NBAS: variants seen among roughly 807,000 people sequenced by gnomAD.
NBAS encodes the protein NBAS subunit of NRZ tethering complex.
NBAS carries 219 observed loss-of-function variants against 302.5 expected under a neutral mutation model. That is an observed-to-expected ratio of 0.72 (90% CI 0.65 to 0.81). The LOEUF (loss-of-function observed/expected upper bound fraction) is 0.81. NBAS is among the 30% of genes least tolerant of loss of function. The pLI is 0.00. For missense variants in NBAS, 2,932 were observed against 2,841.6 expected (o/e 1.03, Z -0.72); for synonymous variants, 1,118 against 1,021.6 (o/e 1.09, Z -1.80).
intron 44 of NBAS, among the ~76,000 whole-genome samples, chr2:15,254,904 GT>G (rs1558478622): frequency 7.4e-6 from 1 of 135,098 alleles, no homozygotes; most frequent in African/African-American, 3.1e-5. Context: ...GTTCCATGGG[GT>G]GTGTGTGTGT....
At chr2:14,795,463 C>A in the NBAS span, among the ~76,000 whole-genome samples, 1 of 144,958 alleles carries the variant, frequency 6.9e-6, no homozygotes, top group Non-Finnish European at 1.5e-5. Context: ...TTTTGAAATG[C>A]CAAGATTTTA....
chr2:15,489,047 G>A (rs1227256213), intron 11 of NBAS, 25 bp from the exon 12 acceptor site: 10 of 1,611,048 alleles, frequency 6.2e-6, no homozygotes, highest in Non-Finnish European at 8.5e-6. Flanking sequence ...TAAGGTCAGG[G>A]CAAAGGACTT....
intron 40 of NBAS, among the ~76,000 whole-genome samples, chr2:15,302,072 G>A (rs917423614): frequency 1.3e-5 from 2 of 152,224 alleles, no homozygotes; most frequent in Non-Finnish European, 2.9e-5. Flanking sequence ...GTCGCAGGAC[G>A]TTTAGGTGAA....
chr2:14,856,862 T>C, the NBAS span, among the ~76,000 whole-genome samples: 2 of 139,880 alleles, frequency 1.4e-5, no homozygotes, highest in South Asian at 4.2e-4. Context: ...GGCATCCAAA[T>C]TGGAAAAAAG....
At chr2:15,424,188 A>C in intron 23 of NBAS, 127 bp downstream of exon 23, 9 of 961,670 alleles carry the variant, frequency 9.4e-6, no homozygotes, top group Non-Finnish European at 1.1e-5. Flanking sequence ...ATAAATATTC[A>C]ATTCATCTCT....
intron 44 of NBAS, among the ~76,000 whole-genome samples, chr2:15,268,451 C>T (rs2148034883): frequency 6.6e-6 from 1 of 152,314 alleles, no homozygotes; most frequent in South Asian, 2.1e-4. Flanking sequence ...ATCTCACTGT[C>T]ATTTTTATAT....
At chr2:14,861,548 A>C in the NBAS span, among the ~76,000 whole-genome samples, 1 of 152,252 alleles carries the variant, frequency 6.6e-6, no homozygotes, top group Admixed American at 6.5e-5. Context: ...ACTTTAGATC[A>C]CATTATTGCT....
At chr2:15,479,006 T>TA (rs1680311576) in intron 12 of NBAS, among the ~76,000 whole-genome samples, 1 of 152,104 alleles carries the variant, frequency 6.6e-6, no homozygotes, top group South Asian at 2.1e-4. Flanking sequence ...ATCTGAAATC[T>TA]AAAAAAAGCG....
the NBAS span, among the ~76,000 whole-genome samples, chr2:15,097,769 A>G: frequency 2.7e-5 from 4 of 150,738 alleles, no homozygotes; most frequent in African/African-American, 9.8e-5. Context: ...TAGAAGTTTG[A>G]CAAATGAATT....
chr2:15,123,420 G>C, the NBAS span, among the ~76,000 whole-genome samples: 3 of 152,148 alleles, frequency 2.0e-5, no homozygotes, highest in Non-Finnish European at 4.4e-5. Context: ...TTGGATGTTT[G>C]TTCACTCCAA....
At chr2:14,909,501 T>G in the NBAS span, among the ~76,000 whole-genome samples, 2 of 151,980 alleles carry the variant, frequency 1.3e-5, no homozygotes, top group Non-Finnish European at 2.9e-5. Flanking sequence ...GAAGCAGGTC[T>G]GTGAATGAGG....
the NBAS span, among the ~76,000 whole-genome samples, chr2:14,848,865 C>A: frequency 6.6e-6 from 1 of 150,948 alleles, no homozygotes; most frequent in Admixed American, 6.6e-5. Flanking sequence ...AGCTGAGGGT[C>A]CTGTCTGTTA....
the NBAS span, among the ~76,000 whole-genome samples, chr2:15,010,607 C>T: frequency 6.6e-6 from 1 of 152,186 alleles, no homozygotes; most frequent in Admixed American, 6.5e-5. Flanking sequence ...TTCACACAGC[C>T]CAATTTCCCA....
At chr2:15,165,752 A>G (rs1210539239), downstream of NBAS, among the ~76,000 whole-genome samples, 3 of 152,228 alleles carry the variant, frequency 2.0e-5, no homozygotes, top group Non-Finnish European at 4.4e-5. Flanking sequence ...CGTTACATTC[A>G]GCCTGCTGGC....
chr2:15,479,607 A>G (rs1420609671), intron 12 of NBAS, among the ~76,000 whole-genome samples: 1 of 152,246 alleles, frequency 6.6e-6, no homozygotes, highest in Non-Finnish European at 1.5e-5. Flanking sequence ...AAATTTGACA[A>G]GAAATCTTAA....
intron 6 of NBAS, among the ~76,000 whole-genome samples, chr2:15,543,903 A>G (rs1663976790): frequency 6.6e-6 from 1 of 152,184 alleles, no homozygotes; most frequent in Non-Finnish European, 1.5e-5. Context: ...AGCTGTGTCT[A>G]TTTTGTTCAT....
intron 35 of NBAS, among the ~76,000 whole-genome samples, chr2:15,350,542 C>G (rs114241341): frequency 6.6e-6 from 1 of 152,156 alleles, no homozygotes. Flanking sequence ...GGAGCAAACA[C>G]TGACCAAAAG....
chr2:14,933,570 T>A, the NBAS span, among the ~76,000 whole-genome samples: 1 of 152,210 alleles, frequency 6.6e-6, no homozygotes, highest in African/African-American at 2.4e-5. Flanking sequence ...TTCTCTTTTT[T>A]TTCTGGCATC....
intron 44 of NBAS, among the ~76,000 whole-genome samples, chr2:15,255,577 T>C (rs1181140423): frequency 6.6e-6 from 1 of 152,148 alleles, no homozygotes; most frequent in Non-Finnish European, 1.5e-5. Context: ...TACCATCTAT[T>C]TATCTTTGGT....
Sources: gnomAD v4.1 joint callset for allele counts (sites outside exome capture counted in the v4.1 genomes callset) on GRCh38, gnomAD v4.1.1 for gene constraint, MANE v1.5 for transcripts, NCBI Gene and HGNC (gene_info 2026-07-23, HGNC 2026-07-21) for gene names.